EOGT: variants seen among roughly 807,000 people sequenced by gnomAD.
EOGT encodes the protein EGF domain-specific O-linked N-acetylglucosamine transferase.
A neutral mutation model predicts 70.5 loss-of-function variants in EOGT; 55 were observed. The ratio of observed to expected loss-of-function variants is 0.78; its 90% CI spans 0.63 to 0.98. EOGT has a LOEUF of 0.98. Among genes scored for constraint, EOGT ranks in the 50% least tolerant of loss-of-function variants. The probability of loss-of-function intolerance (pLI) is 0.00; values close to 1 mark genes in which losing one functional copy is unlikely to be tolerated. For synonymous variants in EOGT, 246 were observed against 217.1 expected (o/e 1.13, Z -1.17); for missense variants, 703 against 641.9 (o/e 1.10, Z -1.03).
chr3:68,987,782 A>G (rs1285871959), intron 13 of EOGT: 2 of 498,384 alleles, frequency 4.0e-6, no homozygotes, highest in Non-Finnish European at 7.1e-6. Context: ...TTACATGAAC[A>G]TTTGGGGAGG....
chr3:68,995,629 T>C (rs2091125218), intron 10 of EOGT, among the ~76,000 whole-genome samples: 2 of 152,168 alleles, frequency 1.3e-5, no homozygotes, highest in South Asian at 4.2e-4. Context: ...GACTAAGTTA[T>C]ACTAAGCCCA....
chr3:68,994,582 A>G (rs2091092242), intron 10 of EOGT, among the ~76,000 whole-genome samples: 1 of 152,198 alleles, frequency 6.6e-6, no homozygotes, highest in Admixed American at 6.5e-5. Context: ...ACCTATGGTC[A>G]GGAGTTCGAA....
chr3:68,980,464 C>G (rs1213472456), intron 15 of EOGT, among the ~76,000 whole-genome samples: 1 of 152,022 alleles, frequency 6.6e-6, no homozygotes, highest in East Asian at 1.9e-4. Flanking sequence ...AAACTTTGAA[C>G]CAAAAATCAG....
chr3:69,007,602 G>C, intron 6 of EOGT, 111 bp downstream of exon 6: 3 of 506,600 alleles, frequency 5.9e-6, no homozygotes, highest in Non-Finnish European at 6.8e-6. Context: ...CAGTGAGCTG[G>C]GATCGCGCCA....
At chr3:68,989,678 G>A (rs945052595) in intron 10 of EOGT, among the ~76,000 whole-genome samples, 1 of 151,082 alleles carries the variant, frequency 6.6e-6, no homozygotes, top group Admixed American at 6.6e-5. Flanking sequence ...AACCTGGGAG[G>A]CGGGGGTTGC....
At chr3:68,991,207 T>C (rs768570093) in intron 10 of EOGT, among the ~76,000 whole-genome samples, 9 of 152,208 alleles carry the variant, frequency 5.9e-5, no homozygotes, top group Non-Finnish European at 1.2e-4. Flanking sequence ...GTCCAAATTA[T>C]CCACCATTTG....
intron 14 of EOGT, among the ~76,000 whole-genome samples, chr3:68,986,241 T>C (rs1241199404): frequency 2.0e-5 from 3 of 152,170 alleles, no homozygotes. Flanking sequence ...GGCCAGTTGG[T>C]TGGGGACCTT....
intron 3 of EOGT, among the ~76,000 whole-genome samples, chr3:69,010,273 A>G (rs1259616497): frequency 6.6e-6 from 1 of 152,248 alleles, no homozygotes; most frequent in East Asian, 1.9e-4. Context: ...TCTCTGTGGC[A>G]ACTACACAAC....
intron 9 of EOGT, among the ~76,000 whole-genome samples, chr3:68,999,170 G>A (rs1437971587): frequency 6.6e-6 from 1 of 152,180 alleles, no homozygotes; most frequent in Non-Finnish European, 1.5e-5. Flanking sequence ...TTACCTAAGT[G>A]CCAGCTTTAT....
At chr3:69,008,364 G>A in intron 5 of EOGT, 64 bp downstream of exon 5, 1 of 1,092,166 alleles carries the variant, frequency 9.2e-7, no homozygotes, top group Non-Finnish European at 1.4e-6. Context: ...TGGAAATTAG[G>A]GCATCAACAT....
chr3:69,001,787 A>G, intron 8 of EOGT, 73 bp from the exon 9 acceptor site: 1 of 1,041,242 alleles, frequency 9.6e-7, no homozygotes, highest in Non-Finnish European at 1.5e-6. Context: ...GTAACTTAGG[A>G]TCTGTTCATT....
At chr3:69,011,389 G>A (rs1486690485) in intron 3 of EOGT, among the ~76,000 whole-genome samples, 1 of 151,372 alleles carries the variant, frequency 6.6e-6, no homozygotes, top group Non-Finnish European at 1.5e-5. Context: ...ACTTTGGGAG[G>A]CCAAGACTGG....
rs1447361102 is a variant in EOGT, at chr3:68,988,925, C to G, written c.924G>C (p.Arg308Ser). Residue 308 changes from arginine (R) to serine (S), a missense_variant and splice_region_variant, in exon 11 of 18, where the codon AGG becomes AGC. Coordinates refer to ENST00000383701, the MANE Select transcript of EOGT (RefSeq NM_001278689.2). ...VIHLKTYDSK[R>S]VCFKEAVFSL... is the part of the protein sequence containing the mutation. ...GACATTTCAGGAAAATTTCCAGTAC[C>G]CTTTTGGAATCATAAGTTTTCAAAT... 4.0e-6 allele frequency: 6 copies of G among 1,494,936 alleles called. No homozygotes were observed. The East Asian group carries it at 9.9e-5, about 25-fold the overall frequency. The allele number at this position is 1,494,936 out of a possible 1,614,324, so 92.6% of individuals were successfully genotyped here.
intron 9 of EOGT, among the ~76,000 whole-genome samples, chr3:68,998,425 CA>C (rs1369696530): frequency 6.6e-6 from 1 of 152,126 alleles, no homozygotes; most frequent in Non-Finnish European, 1.5e-5. Context: ...CTATTTAACT[CA>C]AAACTGAGTA....
rs1559584464 is a variant in EOGT at position 68,979,649 on chromosome 3, A to C, written c.1334+19T>G. ...GCATTATCAGTTGCTTCAGTGTAAA[A>C]CTGCCTCCCAACACTTACAGTTCAA... On this transcript the variant is annotated intron_variant, in intron 16 of 17. Coordinates refer to ENST00000383701, the MANE Select transcript of EOGT (RefSeq NM_001278689.2). The C allele has an allele frequency of 6.2e-7, 1 of 1,611,932 alleles. No individual in the cohort carries two copies. The highest frequency in any genetic ancestry group is 1.3e-5 in the African/African-American group (1 of 74,964).
At position 68,991,015 on chromosome 3, in the gene EOGT, G is replaced by C. The variant is rs573849397; in HGVS notation, c.832-1998C>G. On this transcript the variant is annotated intron_variant, in intron 10 of 17. Transcript: ENST00000383701. ...CTGTTCTGGCTCAATAATAAATAAA[G>C]GGCAATTAAAAGAAGTGATTCTAGA... 4.6e-5 allele frequency among the ~76,000 whole-genome samples: 7 copies of C among 151,926 alleles called. No homozygotes were observed. In the East Asian group the frequency reaches 9.7e-4, roughly 21 times the overall value.
intron 8 of EOGT, among the ~76,000 whole-genome samples, chr3:69,003,496 A>G (rs962366670): frequency 2.0e-5 from 3 of 152,134 alleles, no homozygotes; most frequent in African/African-American, 7.2e-5. Context: ...GCTGTCATGT[A>G]AGACGTGCCT....
chr3:68,990,478 G>C (rs767934212), intron 10 of EOGT, among the ~76,000 whole-genome samples: 1 of 149,278 alleles, frequency 6.7e-6, no homozygotes, highest in East Asian at 2.0e-4. Flanking sequence ...CCAGCCTCCC[G>C]AGTAGCTGGG....
chr3:68,996,213 C>A (rs1385277666), intron 10 of EOGT, among the ~76,000 whole-genome samples: 3 of 152,162 alleles, frequency 2.0e-5, no homozygotes, highest in Non-Finnish European at 2.9e-5. Context: ...AGCATTAACA[C>A]GCCAAGAATT....
Sources: gnomAD v4.1 joint callset for allele counts (sites outside exome capture counted in the v4.1 genomes callset) on GRCh38, gnomAD v4.1.1 for gene constraint, MANE v1.5 for transcripts, NCBI Gene and HGNC (gene_info 2026-07-23, HGNC 2026-07-21) for gene names.